CDK13: variants seen among roughly 807,000 people sequenced by gnomAD.
The protein encoded by CDK13 is cyclin-dependent kinase 13.
Under a neutral mutation model 137.6 loss-of-function variants are expected in CDK13, and 40 were observed. That is an observed-to-expected ratio of 0.29 (90% CI 0.23 to 0.38). CDK13 has a LOEUF of 0.38. Among genes scored for constraint, CDK13 ranks in the 10% least tolerant of loss-of-function variants. The pLI is 1.00. For synonymous variants in CDK13, 869 were observed against 760.1 expected, an observed-to-expected ratio of 1.14 and a Z score of -2.36; for missense variants, 1,704 against 1,951.8, an observed-to-expected ratio of 0.87 and a Z score of 2.39.
chr7:40,042,380 C>T (rs1012781047), intron 5 of CDK13, among the ~76,000 whole-genome samples: 7 of 149,934 alleles, frequency 4.7e-5, no homozygotes, highest in East Asian at 2.0e-4. Flanking sequence ...CACACCCAGC[C>T]GTTTTTGTAT....
intron 11 of CDK13, among the ~76,000 whole-genome samples, chr7:40,083,400 C>T (rs1407710481): frequency 6.6e-6 from 1 of 151,706 alleles, no homozygotes; most frequent in East Asian, 1.9e-4. Flanking sequence ...GTTGTCTTAC[C>T]AATGCTTATG....
At chr7:40,030,849 A>G (rs1785363681) in intron 5 of CDK13, among the ~76,000 whole-genome samples, 2 of 151,938 alleles carry the variant, frequency 1.3e-5, no homozygotes, top group South Asian at 4.2e-4. Context: ...TGGCTTTATA[A>G]CTCAGTTATT....
At chr7:40,007,611 A>G (rs893557103) in intron 5 of CDK13, among the ~76,000 whole-genome samples, 1 of 152,078 alleles carries the variant, frequency 6.6e-6, no homozygotes, top group Admixed American at 6.6e-5. Flanking sequence ...TATTTTTAGT[A>G]GAGACGGGGT....
intron 5 of CDK13, among the ~76,000 whole-genome samples, chr7:40,011,670 C>G (rs1442468037): frequency 6.6e-6 from 1 of 151,818 alleles, no homozygotes; most frequent in Non-Finnish European, 1.5e-5. Flanking sequence ...AGCACTAAAA[C>G]CATAAACCTA....
At chr7:39,955,587 T>C (rs1010707132) in intron 1 of CDK13, among the ~76,000 whole-genome samples, 4 of 152,050 alleles carry the variant, frequency 2.6e-5, no homozygotes, top group African/African-American at 9.7e-5. Flanking sequence ...TGCTTGGGTA[T>C]TTATGTGTTG....
intron 2 of CDK13, among the ~76,000 whole-genome samples, chr7:39,996,574 C>G (rs1198701176): frequency 1.3e-5 from 2 of 151,992 alleles, no homozygotes; most frequent in African/African-American, 2.4e-5. Context: ...TTAATTAACC[C>G]TGAAAAGGGT....
At chr7:40,074,679 G>A (rs896664669) in intron 9 of CDK13, among the ~76,000 whole-genome samples, 6 of 151,928 alleles carry the variant, frequency 3.9e-5, no homozygotes, top group Non-Finnish European at 8.8e-5. Context: ...TCTCAAATTA[G>A]ATGGATGTAG....
At chr7:39,976,265 C>T (rs1297855842) in intron 1 of CDK13, among the ~76,000 whole-genome samples, 3 of 134,468 alleles carry the variant, frequency 2.2e-5, no homozygotes, top group Non-Finnish European at 3.2e-5. Context: ...TGCACTCCAG[C>T]CTGGGCAACA....
chr7:40,008,498 C>A (rs1201321887), intron 5 of CDK13, among the ~76,000 whole-genome samples: 1 of 152,186 alleles, frequency 6.6e-6, no homozygotes, highest in African/African-American at 2.4e-5. Flanking sequence ...AATGACAAAC[C>A]TGTTTCTGCC....
intron 1 of CDK13, among the ~76,000 whole-genome samples, chr7:39,970,989 C>G (rs1402815024): frequency 1.3e-5 from 2 of 152,110 alleles, no homozygotes; most frequent in Admixed American, 6.5e-5. Flanking sequence ...GATAAAGTCT[C>G]CATTTTGAAA....
chr7:40,004,285 C>T (rs1321705696), intron 5 of CDK13, among the ~76,000 whole-genome samples: 2 of 152,100 alleles, frequency 1.3e-5, no homozygotes, highest in Non-Finnish European at 2.9e-5. Context: ...TTTGTTTCTC[C>T]TCAGTGCCTA....
At chr7:40,077,730 C>T (rs2150535774) in intron 9 of CDK13, among the ~76,000 whole-genome samples, 1 of 152,180 alleles carries the variant, frequency 6.6e-6, no homozygotes, top group South Asian at 2.1e-4. Flanking sequence ...GTGGCGCATG[C>T]CTATAATCCC....
chr7:40,010,114 T>C (rs1784865748), intron 5 of CDK13, among the ~76,000 whole-genome samples: 1 of 151,950 alleles, frequency 6.6e-6, no homozygotes, highest in Admixed American at 6.5e-5. Flanking sequence ...TTTTTATTAT[T>C]ATCGTAATAT....
At chr7:39,954,272 TA>T (rs1398881961) in intron 1 of CDK13, among the ~76,000 whole-genome samples, 1 of 152,242 alleles carries the variant, frequency 6.6e-6, no homozygotes, top group African/African-American at 2.4e-5. Context: ...AATTAATAGC[TA>T]AAATAGTTGA....
intron 11 of CDK13, among the ~76,000 whole-genome samples, chr7:40,081,477 A>G (rs1786661616): frequency 6.6e-6 from 1 of 152,096 alleles, no homozygotes; most frequent in African/African-American, 2.4e-5. Context: ...ACGTTGTTCC[A>G]TTTTCATCTT....
chr7:40,059,943 C>G (rs923693981), intron 7 of CDK13, among the ~76,000 whole-genome samples: 5 of 152,126 alleles, frequency 3.3e-5, no homozygotes, highest in African/African-American at 7.2e-5. Context: ...TCTTGTCTAA[C>G]AGAAACTAAG....
At chr7:40,075,294 T>C (rs1305567478) in intron 9 of CDK13, among the ~76,000 whole-genome samples, 1 of 152,170 alleles carries the variant, frequency 6.6e-6, no homozygotes, top group African/African-American at 2.4e-5. Flanking sequence ...AGGCACAGAT[T>C]TTGTAAATGC....
intron 4 of CDK13, 66 bp from the exon 5 acceptor site, chr7:40,001,795 A>G: frequency 1.0e-6 from 1 of 987,360 alleles, no homozygotes; most frequent in Non-Finnish European, 1.6e-6. Context: ...AAATACATTT[A>G]AAGTTAAGAA....
At chr7:39,967,684 T>C (rs1203748008) in intron 1 of CDK13, among the ~76,000 whole-genome samples, 2 of 152,214 alleles carry the variant, frequency 1.3e-5, no homozygotes, top group African/African-American at 4.8e-5. Flanking sequence ...ATGATGGCTA[T>C]AGTAATTTAC....
Sources: allele counts gnomAD v4.1 joint callset (sites outside exome capture counted in the v4.1 genomes callset), GRCh38; gene constraint gnomAD v4.1.1; transcripts MANE v1.5; gene names NCBI Gene and HGNC (gene_info 2026-07-23, HGNC 2026-07-21).